Variants in PIP4K2A observed in about 807,000 individuals in gnomAD.
PIP4K2A encodes phosphatidylinositol 5-phosphate 4-kinase type-2 alpha.
A neutral mutation model predicts 42.9 loss-of-function variants in PIP4K2A; 14 were observed. The observed-to-expected ratio is 0.33, with a 90% CI of 0.22 to 0.51. The LOEUF is 0.51. Among genes scored for constraint, PIP4K2A ranks in the 20% least tolerant of loss-of-function variants. The probability of loss-of-function intolerance (pLI) is 0.97; values close to 1 mark genes in which losing one functional copy is unlikely to be tolerated. For synonymous variants in PIP4K2A, 192 were observed against 192.2 expected (o/e 1.00, Z 0.01); for missense variants, 434 against 519.8 (o/e 0.83, Z 1.61).
Position 22,601,130 on chromosome 10 carries a change from C to CAAAAAAAAAAAAAAAAAAAA in PIP4K2A, c.339+6777_339+6796dup, listed in dbSNP as rs1188396077. 2.5e-4 allele frequency among the ~76,000 whole-genome samples: 8 copies of CAAAAAAAAAAAAAAAAAAAA among 31,926 alleles called. 1 individual carries two copies. Among genetic ancestry groups the CAAAAAAAAAAAAAAAAAAAA allele is most frequent in the African/African-American group, 3.2e-4 (5 of 15,640 alleles). The allele number at this position is 31,926 out of a possible 152,430, so 20.9% of individuals were successfully genotyped here. A position where few individuals can be genotyped will look rare whatever the true frequency, so the allele number is the denominator to read the frequency against. ...CCTGGGCAACAGAGCGAGACTGTCT[C>CAAAAAAAAAAAAAAAAAAAA]AAAAAAAAAAAAAAAAAAAAAAAAA... is the stretch of plus-strand genomic sequence containing the variant. On this transcript the variant is annotated intron_variant, in intron 3 of 9. Transcript: ENST00000376573.
intron 1 of PIP4K2A, among the ~76,000 whole-genome samples, chr10:22,638,866 T>C (rs1329395228): frequency 1.3e-5 from 2 of 152,328 alleles, no homozygotes; most frequent in South Asian, 2.1e-4. Context: ...AGAATCTTAG[T>C]AGTGATTCTT....
chr10:22,714,378 C>T lies in PIP4K2A; in HGVS notation c.-52G>A, dbSNP rs1833971091. On this transcript the variant is annotated 5_prime_UTR_variant, in exon 1 of 10. Transcript: ENST00000376573. The stretch of plus-strand genomic sequence containing the variant: ...CCGTGCTCCCGAGGCCGGGGACCCG[C>T]CCTCTCTACACCCCGGCCCGGGGAG... 1.4e-6 allele frequency: 2 copies of T among 1,431,784 alleles called. No individual in the cohort carries two copies. The highest frequency in any genetic ancestry group is 2.9e-5 in the East Asian group (1 of 34,492). 88.7% of individuals were successfully genotyped at this position (1,431,784 alleles called of 1,614,324 possible).
chr10:22,664,106 T>TATATATACATATATATATATAC (rs1839277459), intron 1 of PIP4K2A, among the ~76,000 whole-genome samples: 1 of 71,274 alleles, frequency 1.4e-5, no homozygotes, highest in Non-Finnish European at 2.4e-5. Context: ...TATATATACA[T>TATATATACATATATATATATAC]ATATATATAC....
At chr10:22,569,204 G>T (rs1836921931) in intron 5 of PIP4K2A, 2 of 648,650 alleles carry the variant, frequency 3.1e-6, no homozygotes. Flanking sequence ...AGGCTGGGGG[G>T]GTCTCCCCAG....
At chr10:22,611,561 C>T (rs1333637224) in intron 1 of PIP4K2A, among the ~76,000 whole-genome samples, 2 of 152,028 alleles carry the variant, frequency 1.3e-5, no homozygotes, top group Non-Finnish European at 2.9e-5. Context: ...AAGGCAAACA[C>T]AACAGAGGAA....
chr10:22,543,740 G>C (rs568128367), intron 7 of PIP4K2A, among the ~76,000 whole-genome samples: 5 of 152,322 alleles, frequency 3.3e-5, no homozygotes, highest in African/African-American at 1.2e-4. Flanking sequence ...GGGCGGCTGC[G>C]GGGAGAAATC....
intron 5 of PIP4K2A, among the ~76,000 whole-genome samples, chr10:22,572,719 G>C (rs1272550930): frequency 6.6e-6 from 1 of 152,192 alleles, no homozygotes; most frequent in Non-Finnish European, 1.5e-5. Context: ...GGTGATACCA[G>C]AAGCCAGATT....
At chr10:22,693,559 C>T (rs573527411) in intron 1 of PIP4K2A, among the ~76,000 whole-genome samples, 4 of 152,108 alleles carry the variant, frequency 2.6e-5, no homozygotes, top group Admixed American at 6.5e-5. Flanking sequence ...ATTTCAAGGC[C>T]GTATGTTTAA....
intron 4 of PIP4K2A, among the ~76,000 whole-genome samples, chr10:22,586,095 G>A (rs1342592267): frequency 1.3e-5 from 2 of 152,132 alleles, no homozygotes; most frequent in Non-Finnish European, 2.9e-5. Flanking sequence ...ATCATTTATA[G>A]GATCCGAGTT....
rs5783802 is a variant in PIP4K2A at position 22,606,145 on chromosome 10, C to CAA, written c.339+1780_339+1781dup. On this transcript the variant is annotated intron_variant, in intron 3 of 9. Transcript: ENST00000376573. ...AACATAGTGAGACCCCAATCTCTAC[C>CAA]AAAAAAAAAAAAAAAATTAGCTGGG... is the stretch of plus-strand genomic sequence containing the variant. Among the ~76,000 whole-genome samples, 718 of 140,540 alleles carry CAA rather than the reference C, an allele frequency of 5.1e-3. 14 individuals are homozygous for CAA. Among genetic ancestry groups the CAA allele is most frequent in the African/African-American group, 0.018 (673 of 37,354 alleles). 92.2% of individuals were successfully genotyped at this position (140,540 alleles called of 152,430 possible).
chr10:22,568,419 G>C (rs971915803), intron 5 of PIP4K2A, among the ~76,000 whole-genome samples: 1 of 151,964 alleles, frequency 6.6e-6, no homozygotes, highest in African/African-American at 2.4e-5. Context: ...AAGAGTTACT[G>C]ATGAACACTC....
Position 22,664,078 on chromosome 10 carries a change from TATATATATATAC to T in PIP4K2A, c.144+50093_144+50104del, listed in dbSNP as rs1839270019. Reference sequence around the variant, plus strand: ...GTATATATACATATATATATATACGTATATATATATACATATATATATATACATATATATATA... The same window carrying T: ...GTATATATACATATATATATATACGTATATATATATATACATATATATATA... On this transcript the variant is annotated intron_variant, in intron 1 of 9. Transcript: ENST00000376573. Among the ~76,000 whole-genome samples, 21 of 66,344 alleles carry T rather than the reference TATATATATATAC, an allele frequency of 3.2e-4. 1 individual carries two copies. Among genetic ancestry groups the T allele is most frequent in the African/African-American group, 2.2e-3 (18 of 8,294 alleles). The allele number at this position is 66,344 out of a possible 152,430, so 43.5% of individuals were successfully genotyped here. A position where few individuals can be genotyped will look rare whatever the true frequency, so the allele number is the denominator to read the frequency against.
At chr10:22,546,752 A>C (rs1212906943) in intron 7 of PIP4K2A, among the ~76,000 whole-genome samples, 1 of 152,176 alleles carries the variant, frequency 6.6e-6, no homozygotes, top group East Asian at 1.9e-4. Context: ...GAGTGAATGA[A>C]GTGTGGCAAT....
intron 1 of PIP4K2A, among the ~76,000 whole-genome samples, chr10:22,664,228 T>TATACATATATATACAC (rs1554807358): frequency 1.1e-5 from 1 of 89,886 alleles, no homozygotes; most frequent in African/African-American, 6.1e-5. Context: ...CATATATATA[T>TATACATATATATACAC]ACACACACAC....
intron 1 of PIP4K2A, among the ~76,000 whole-genome samples, chr10:22,651,014 C>CT (rs1838983937): frequency 6.6e-6 from 1 of 152,194 alleles, no homozygotes; most frequent in South Asian, 2.1e-4. Context: ...GCTCTAGCTC[C>CT]TACCCACTCT....
intron 1 of PIP4K2A, among the ~76,000 whole-genome samples, chr10:22,703,356 C>G (rs1214586433): frequency 6.6e-6 from 1 of 152,158 alleles, no homozygotes; most frequent in Admixed American, 6.5e-5. Context: ...CTGCAGTGAG[C>G]TATGACCATG....
chr10:22,551,720 T>C (rs913338578), intron 6 of PIP4K2A, among the ~76,000 whole-genome samples: 1 of 152,342 alleles, frequency 6.6e-6, no homozygotes, highest in African/African-American at 2.4e-5. Flanking sequence ...TTTGCCTGTA[T>C]GTTGATGAAC....
intron 1 of PIP4K2A, among the ~76,000 whole-genome samples, chr10:22,677,967 GAA>G (rs1839590168): frequency 6.6e-6 from 1 of 152,054 alleles, no homozygotes; most frequent in Non-Finnish European, 1.5e-5. Flanking sequence ...CTAAAAATAC[GAA>G]AACACTCATC....
chr10:22,619,358 A>C (rs576552501), intron 1 of PIP4K2A, among the ~76,000 whole-genome samples: 1 of 152,078 alleles, frequency 6.6e-6, no homozygotes, highest in Non-Finnish European at 1.5e-5. Flanking sequence ...AATGTCTGGG[A>C]AATGTACTTT....
Sources: allele counts gnomAD v4.1 joint callset (sites outside exome capture counted in the v4.1 genomes callset), GRCh38; gene constraint gnomAD v4.1.1; transcripts MANE v1.5; gene names NCBI Gene and HGNC (gene_info 2026-07-23, HGNC 2026-07-21).